The following KCNIP1 variants were observed in gnomAD, a reference collection of about 807,000 sequenced individuals.
KCNIP1 encodes potassium voltage-gated channel interacting protein 1.
A neutral mutation model predicts 33.0 loss-of-function variants in KCNIP1; 18 were observed. That is an observed-to-expected ratio of 0.55 (90% CI 0.38 to 0.81). The LOEUF (loss-of-function observed/expected upper bound fraction) is 0.81, where lower values mean the gene tolerates loss of function less well. Among genes scored for constraint, KCNIP1 ranks in the 30% least tolerant of loss-of-function variants. KCNIP1 has a pLI of 0.00. For missense variants in KCNIP1, 238 were observed against 271.6 expected (o/e 0.88, Z 0.87); for synonymous variants, 93 against 98.3 (o/e 0.95, Z 0.32).
intron 1 of KCNIP1, among the ~76,000 whole-genome samples, chr5:170,471,760 C>T (rs1203473235): frequency 2.0e-5 from 3 of 152,178 alleles, no homozygotes; most frequent in Non-Finnish European, 4.4e-5. Flanking sequence ...GTCCCTACTT[C>T]CTCCTTTAGA....
chr5:170,735,865 C>T lies in KCNIP1; in HGVS notation c.*59C>T. 7.2e-7 allele frequency: 1 copy of T among 1,384,724 alleles called. No homozygotes were observed. The highest frequency in any genetic ancestry group is 2.3e-5 in the East Asian group (1 of 43,788). The allele number at this position is 1,384,724 out of a possible 1,614,324, so 85.8% of individuals were successfully genotyped here. ...ATTGTACTAAACAACCACCTTAACA[C>T]CCTGATCTGCCCTTGTTCTGATTTT... On this transcript the variant is annotated 3_prime_UTR_variant, in exon 8 of 8. Coordinates refer to ENST00000328939, the MANE Select transcript of KCNIP1 (RefSeq NM_014592.4).
At chr5:170,456,224 C>T (rs1756370286) in intron 1 of KCNIP1, among the ~76,000 whole-genome samples, 1 of 152,082 alleles carries the variant, frequency 6.6e-6, no homozygotes, top group South Asian at 2.1e-4. Context: ...TAAACAAACA[C>T]CACATATTCT....
chr5:170,408,984 G>A (rs906609280), intron 1 of KCNIP1, among the ~76,000 whole-genome samples: 5 of 152,178 alleles, frequency 3.3e-5, no homozygotes, highest in African/African-American at 1.2e-4. Flanking sequence ...TGCAAAGTGG[G>A]CAAGCAGGTG....
intron 1 of KCNIP1, among the ~76,000 whole-genome samples, chr5:170,421,111 T>C (rs79246746): frequency 0.055 from 8,346 of 152,122 alleles, 252 homozygotes; most frequent in South Asian, 0.099. Flanking sequence ...CGGAAAGAGC[T>C]TGGGGTTGGA....
chr5:170,690,543 T>A (rs1279786995), intron 1 of KCNIP1, among the ~76,000 whole-genome samples: 1 of 152,212 alleles, frequency 6.6e-6, no homozygotes, highest in African/African-American at 2.4e-5. Flanking sequence ...GTGAATGGAT[T>A]AATGCAAAAA....
chr5:170,688,991 G>T (rs1426834659), intron 1 of KCNIP1, among the ~76,000 whole-genome samples: 1 of 151,196 alleles, frequency 6.6e-6, no homozygotes, highest in African/African-American at 2.4e-5. Context: ...GGAAGAAAGG[G>T]TGGGAGGGAG....
intron 1 of KCNIP1, among the ~76,000 whole-genome samples, chr5:170,494,462 C>G (rs1283619072): frequency 6.6e-6 from 1 of 152,164 alleles, no homozygotes; most frequent in East Asian, 1.9e-4. Flanking sequence ...AGAGAGCCAG[C>G]CTGGCCTCTC....
chr5:170,537,246 T>G, intron 1 of KCNIP1, among the ~76,000 whole-genome samples: 1 of 152,146 alleles, frequency 6.6e-6, no homozygotes, highest in Admixed American at 6.5e-5. Flanking sequence ...CAATCCCAAC[T>G]TTGACAATTG....
At chr5:170,433,941 G>A (rs1285383325) in intron 1 of KCNIP1, among the ~76,000 whole-genome samples, 1 of 152,158 alleles carries the variant, frequency 6.6e-6, no homozygotes, top group Non-Finnish European at 1.5e-5. Context: ...TCCATGCAGA[G>A]GGGCCTCCTG....
chr5:170,476,868 A>C (rs950017443), intron 1 of KCNIP1, among the ~76,000 whole-genome samples: 9 of 152,192 alleles, frequency 5.9e-5, no homozygotes, highest in African/African-American at 2.2e-4. Context: ...GTTCAACATA[A>C]ATTACCAAGC....
At chr5:170,657,609 C>T (rs1297659084) in intron 1 of KCNIP1, among the ~76,000 whole-genome samples, 1 of 152,182 alleles carries the variant, frequency 6.6e-6, no homozygotes, top group Non-Finnish European at 1.5e-5. Context: ...TCACACTTCC[C>T]CAGCTCCTAC....
At chr5:170,454,924 A>G (rs980852059) in intron 1 of KCNIP1, among the ~76,000 whole-genome samples, 3 of 152,224 alleles carry the variant, frequency 2.0e-5, no homozygotes, top group African/African-American at 7.2e-5. Context: ...AGCTATTTCA[A>G]TGTTAGACAA....
At chr5:170,353,753 C>T (rs6894729) in exon 1 of KCNIP1, 122,824 of 825,784 alleles carry the variant, frequency 0.15, 9,491 homozygotes, top group East Asian at 0.21. Context: ...CGGAGCCTGG[C>T]TTCAGGGGTG....
intron 1 of KCNIP1, among the ~76,000 whole-genome samples, chr5:170,589,575 G>A (rs1465206235): frequency 2.0e-5 from 3 of 152,154 alleles, no homozygotes; most frequent in Non-Finnish European, 4.4e-5. Context: ...GCAAAGTGAG[G>A]GATGGAGAGT....
At chr5:170,432,865 A>C (rs1755775149) in intron 1 of KCNIP1, among the ~76,000 whole-genome samples, 1 of 152,252 alleles carries the variant, frequency 6.6e-6, no homozygotes, top group South Asian at 2.1e-4. Flanking sequence ...AGAAGAATAA[A>C]TATAAATGAG....
chr5:170,699,092 A>G lies in KCNIP1; in HGVS notation c.62-19666A>G, dbSNP rs1222069988. Among the ~76,000 whole-genome samples the G allele has an allele frequency of 2.6e-5, 4 of 152,208 alleles. No individual in the cohort carries two copies. The East Asian group carries it at 7.7e-4, about 29-fold the overall frequency. Reference sequence around the variant, plus strand: ...CCACGTTTGCCCTTTAAAGTGACTTAAAAATAATCTTTATGAATTTCTTCA... The same window carrying G: ...CCACGTTTGCCCTTTAAAGTGACTTGAAAATAATCTTTATGAATTTCTTCA... On this transcript the variant is annotated intron_variant, in intron 1 of 7. Transcript: ENST00000328939.
chr5:170,597,784 AATATATATATATATAT>A (rs10525595), intron 1 of KCNIP1, among the ~76,000 whole-genome samples: 37 of 134,480 alleles, frequency 2.8e-4, no homozygotes, highest in South Asian at 4.9e-4. Flanking sequence ...GAGAGAGATA[AATATATATATATATAT>A]ATATATATAT....
At chr5:170,724,887 T>C (rs1446795185) in intron 5 of KCNIP1, among the ~76,000 whole-genome samples, 1 of 152,228 alleles carries the variant, frequency 6.6e-6, no homozygotes, top group African/African-American at 2.4e-5. Context: ...AAGATGTGGA[T>C]TCTCCAAATT....
chr5:170,442,808 G>A (rs1756024399), intron 1 of KCNIP1, among the ~76,000 whole-genome samples: 1 of 152,220 alleles, frequency 6.6e-6, no homozygotes, highest in Non-Finnish European at 1.5e-5. Context: ...GGACAGGAAT[G>A]GAGGCAGGAA....
Sources: gnomAD v4.1 joint callset for allele counts (sites outside exome capture counted in the v4.1 genomes callset) on GRCh38, gnomAD v4.1.1 for gene constraint, MANE v1.5 for transcripts, NCBI Gene and HGNC (gene_info 2026-07-23, HGNC 2026-07-21) for gene names.